Variants in NUP210L observed in about 807,000 individuals in gnomAD.
NUP210L encodes nucleoporin 210 like, also known as nuclear pore membrane glycoprotein 210-like.
A neutral mutation model predicts 208.5 loss-of-function variants in NUP210L; 74 were observed. The ratio of observed to expected loss-of-function variants is 0.35; its 90% confidence interval spans 0.29 to 0.43. NUP210L has a LOEUF of 0.43. NUP210L is among the 20% of genes least tolerant of loss of function. NUP210L has a pLI of 1.00. For missense variants in NUP210L, 1,843 were observed against 2,289.4 expected, an observed-to-expected ratio of 0.81 and a Z score of 3.98; for synonymous variants, 780 against 816.9, an observed-to-expected ratio of 0.95 and a Z score of 0.77.
chr1:154,150,896 T>C (rs140980007), intron 2 of NUP210L, among the ~76,000 whole-genome samples: 130 of 152,222 alleles, frequency 8.5e-4, no homozygotes, highest in African/African-American at 2.8e-3. Flanking sequence ...ATCCCACCCC[T>C]TTCCTACTAC....
In NUP210L at chr1:154,119,060, T is replaced by C. The variant is rs796942417; in HGVS notation, c.1327-252A>G. Among the ~76,000 whole-genome samples, 5 of 152,026 alleles carry C rather than the reference T, an allele frequency of 3.3e-5. 1 individual carries two copies. Among genetic ancestry groups the C allele is most frequent in the African/African-American group, 1.2e-4 (5 of 41,482 alleles). On this transcript the variant is annotated intron_variant, in intron 10 of 39. Transcript: ENST00000368559. Reference sequence around the variant, plus strand: ...AACTAATTATCAGAATCAGGGAAAATAGCTTAAAATTCCCTGAAATAAAAG... The same window carrying C: ...AACTAATTATCAGAATCAGGGAAAACAGCTTAAAATTCCCTGAAATAAAAG...
At chr1:153,995,540 A>G in intron 37 of NUP210L, 3 of 644,702 alleles carry the variant, frequency 4.7e-6, no homozygotes, top group Non-Finnish European at 8.5e-6. Context: ...TCTTCCTCTT[A>G]GATTTCAAAG....
intron 25 of NUP210L, among the ~76,000 whole-genome samples, chr1:154,053,638 C>T (rs938257560): frequency 5.3e-5 from 8 of 152,232 alleles, no homozygotes. Flanking sequence ...CAATCTGTGC[C>T]TTAAGGACAT....
chr1:154,092,222 C>T (rs1310796576), intron 15 of NUP210L, among the ~76,000 whole-genome samples: 8 of 151,086 alleles, frequency 5.3e-5, no homozygotes, highest in Non-Finnish European at 8.8e-5. Context: ...ACTACAGGCA[C>T]GCGCCACCAC....
intron 37 of NUP210L, among the ~76,000 whole-genome samples, chr1:153,997,149 A>G (rs1258714542): frequency 6.6e-6 from 1 of 151,620 alleles, no homozygotes; most frequent in Non-Finnish European, 1.5e-5. Flanking sequence ...TTTTTAGTAG[A>G]GATGGGTTTT....
intron 34 of NUP210L, 27 bp from the exon 35 acceptor site, chr1:154,010,148 C>T (rs756515082): frequency 2.5e-6 from 4 of 1,590,696 alleles, no homozygotes; most frequent in South Asian, 1.2e-5. Context: ...AGGTAAATAG[C>T]TTTGTCACTA....
At chr1:154,027,111 CA>C (rs1471316645) in intron 29 of NUP210L, among the ~76,000 whole-genome samples, 1 of 121,664 alleles carries the variant, frequency 8.2e-6, no homozygotes, top group Non-Finnish European at 1.7e-5. Context: ...AAAAAAAAAA[CA>C]AAAAACACAA....
chr1:154,056,015 C>T (rs564694137), intron 23 of NUP210L, among the ~76,000 whole-genome samples: 25 of 152,216 alleles, frequency 1.6e-4, no homozygotes, highest in South Asian at 6.2e-4. Context: ...GCCAAGATCG[C>T]GCCATTGCAC....
chr1:154,023,011 C>A, intron 31 of NUP210L, 111 bp downstream of exon 31: 1 of 1,198,230 alleles, frequency 8.3e-7, no homozygotes, highest in Admixed American at 2.6e-5. Context: ...AAAGAAAGAT[C>A]AACTTCCAAA....
At chr1:154,106,252 C>G (rs1656757600) in intron 12 of NUP210L, among the ~76,000 whole-genome samples, 1 of 152,032 alleles carries the variant, frequency 6.6e-6, no homozygotes, top group African/African-American at 2.4e-5. Flanking sequence ...CAGAGTAAGA[C>G]TCCATTCCAG....
intron 10 of NUP210L, among the ~76,000 whole-genome samples, chr1:154,123,453 A>T (rs1034380114): frequency 6.6e-5 from 10 of 152,028 alleles, no homozygotes; most frequent in Non-Finnish European, 1.3e-4. Context: ...CTGGATTTGC[A>T]TTTTCTTAAT....
exon 28 of NUP210L, chr1:154,029,981 A>G (rs1386261322): frequency 1.2e-6 from 2 of 1,612,226 alleles, no homozygotes; most frequent in Admixed American, 3.4e-5. Flanking sequence ...AGTGACCTTG[A>G]TACTGGTCCT....
At chr1:154,150,070 A>G (rs1036278200) in intron 2 of NUP210L, among the ~76,000 whole-genome samples, 21 of 152,166 alleles carry the variant, frequency 1.4e-4, no homozygotes, top group Non-Finnish European at 2.5e-4. Flanking sequence ...CTCTATAAAA[A>G]TTACAAAAAT....
intron 16 of NUP210L, among the ~76,000 whole-genome samples, chr1:154,082,074 C>T (rs1020175272): frequency 6.6e-6 from 1 of 152,214 alleles, no homozygotes; most frequent in African/African-American, 2.4e-5. Context: ...TCACCAGATC[C>T]TAATCCCATG....
At chr1:154,038,336 T>A (rs961099339) in intron 27 of NUP210L, among the ~76,000 whole-genome samples, 1 of 149,790 alleles carries the variant, frequency 6.7e-6, no homozygotes, top group East Asian at 1.9e-4. Context: ...TTTTTCTTTT[T>A]CTTTTTTTTT....
chr1:154,059,215 G>A (rs573847009), intron 20 of NUP210L, among the ~76,000 whole-genome samples: 20 of 152,006 alleles, frequency 1.3e-4, no homozygotes, highest in African/African-American at 4.3e-4. Flanking sequence ...GTCCGTGCCT[G>A]TAGTCCCAGT....
intron 34 of NUP210L, among the ~76,000 whole-genome samples, 163 bp downstream of exon 34, chr1:154,012,081 T>TCATA (rs1434072126): frequency 6.6e-6 from 1 of 152,138 alleles, no homozygotes; most frequent in African/African-American, 2.4e-5. Context: ...CTTAGTCTAG[T>TCATA]CATAATTTCT....
intron 27 of NUP210L, among the ~76,000 whole-genome samples, chr1:154,031,430 T>G (rs1652212031): frequency 6.6e-6 from 1 of 152,244 alleles, no homozygotes; most frequent in Admixed American, 6.5e-5. Flanking sequence ...GTTGACTGTA[T>G]TCACCCTGTT....
intron 27 of NUP210L, among the ~76,000 whole-genome samples, chr1:154,042,292 A>G (rs1652928685): frequency 6.6e-6 from 1 of 151,950 alleles, no homozygotes; most frequent in Non-Finnish European, 1.5e-5. Context: ...TTGTAGAGAC[A>G]GGGTTTCACT....
Sources: allele counts gnomAD v4.1 joint callset (sites outside exome capture counted in the v4.1 genomes callset), GRCh38; gene constraint gnomAD v4.1.1; transcripts MANE v1.5; gene names NCBI Gene and HGNC (gene_info 2026-07-23, HGNC 2026-07-21).